Variants in LRBA observed in about 807,000 individuals in gnomAD.
The protein encoded by LRBA is lipopolysaccharide-responsive and beige-like anchor protein.
Under a neutral mutation model 330.0 loss-of-function variants are expected in LRBA, and 176 were observed. The ratio of observed to expected loss-of-function variants is 0.53; its 90% CI spans 0.47 to 0.60. The LOEUF is 0.60. Ranked by LOEUF, LRBA falls within the 20% of genes least tolerant of loss-of-function variation. LRBA has a pLI of 0.00. For missense variants in LRBA, 3,259 were observed against 3,444.8 expected, an observed-to-expected ratio of 0.95 and a Z score of 1.35; for synonymous variants, 1,230 against 1,193.0, an observed-to-expected ratio of 1.03 and a Z score of -0.64.
At chr4:150,543,651 A>G (rs1043820407) in intron 40 of LRBA, among the ~76,000 whole-genome samples, 3 of 152,162 alleles carry the variant, frequency 2.0e-5, no homozygotes, top group Admixed American at 6.5e-5. Context: ...AGAAAATTAG[A>G]TTTACATATA....
chr4:150,562,569 G>A (rs927130606), intron 40 of LRBA, among the ~76,000 whole-genome samples: 2 of 152,138 alleles, frequency 1.3e-5, no homozygotes, highest in Non-Finnish European at 2.9e-5. Context: ...CTCCTGGTAT[G>A]CAAATTATAG....
intron 40 of LRBA, among the ~76,000 whole-genome samples, chr4:150,559,793 AT>A (rs1173129986): frequency 3.6e-5 from 3 of 84,078 alleles, no homozygotes; most frequent in African/African-American, 1.6e-4. Context: ...ATTATATATA[AT>A]TATAATATGT....
intron 37 of LRBA, among the ~76,000 whole-genome samples, chr4:150,647,440 C>A (rs773647061): frequency 1.5e-5 from 2 of 131,668 alleles, no homozygotes; most frequent in Admixed American, 1.9e-4. Context: ...CTCACTGTAA[C>A]CTCAACCTCC....
rs1721872725 is a variant in LRBA at position 150,511,948 on chromosome 4, A to C, written c.6331-20913T>G. Among the ~76,000 whole-genome samples the C allele has an allele frequency of 2.6e-5, 4 of 152,352 alleles. 1 individual carries two copies. In the South Asian group the frequency reaches 8.3e-4, roughly 32 times the overall value. On this transcript the variant is annotated intron_variant, in intron 40 of 56. Coordinates refer to ENST00000651943, the MANE Select transcript of LRBA (RefSeq NM_001364905.1). The stretch of plus-strand genomic sequence containing the variant: ...ACTTCTCAAACAGATGTGCTACCAC[A>C]GGCCTCTTACAAATTGTAAATGTCT...
chr4:150,590,105 A>G (rs1772618369), intron 39 of LRBA, among the ~76,000 whole-genome samples: 1 of 152,198 alleles, frequency 6.6e-6, no homozygotes, highest in Non-Finnish European at 1.5e-5. Flanking sequence ...ACAGAGCCAC[A>G]GGTATTAAAG....
chr4:150,569,060 G>A lies in LRBA; in HGVS notation c.6330+18988C>T, dbSNP rs78244655. ...ACAATACCTACCTCAAGGGCTTGCT[G>A]TAAAAATGTAAGAGTTAATACAGGT... On this transcript the variant is annotated intron_variant, in intron 40 of 56. Transcript: ENST00000651943. 1.1e-3 allele frequency among the ~76,000 whole-genome samples: 174 copies of A among 152,244 alleles called. 3 individuals are homozygous for A. Among genetic ancestry groups the A allele is most frequent in the African/African-American group, 4.1e-3 (170 of 41,558 alleles).
chr4:150,451,571 T>G (rs1397749971), intron 44 of LRBA, among the ~76,000 whole-genome samples: 2 of 152,092 alleles, frequency 1.3e-5, no homozygotes, highest in East Asian at 3.9e-4. Flanking sequence ...TGAGAAAAAT[T>G]TGTAGTGCTA....
chr4:150,541,619 G>A (rs888250940), intron 40 of LRBA, among the ~76,000 whole-genome samples: 1 of 152,142 alleles, frequency 6.6e-6, no homozygotes, highest in Non-Finnish European at 1.5e-5. Context: ...TTTTTATAGT[G>A]TCTAGTACCG....
intron 36 of LRBA, among the ~76,000 whole-genome samples, chr4:150,698,679 C>T (rs573944416): frequency 5.9e-5 from 9 of 152,190 alleles, no homozygotes; most frequent in Non-Finnish European, 1.0e-4. Flanking sequence ...TTTAAGTGGT[C>T]TTCCTTTATC....
chr4:150,570,295 C>T (rs1769677602), intron 40 of LRBA, among the ~76,000 whole-genome samples: 1 of 152,012 alleles, frequency 6.6e-6, no homozygotes, highest in African/African-American at 2.4e-5. Context: ...TTTTGCATCT[C>T]ACTATTTTCG....
intron 44 of LRBA, among the ~76,000 whole-genome samples, chr4:150,443,241 C>T (rs981485766): frequency 3.3e-5 from 5 of 152,154 alleles, no homozygotes; most frequent in Non-Finnish European, 5.9e-5. Flanking sequence ...TACTTTTACA[C>T]TGTTTGTGGG....
chr4:150,557,538 T>C (rs964228025), intron 40 of LRBA, among the ~76,000 whole-genome samples: 1 of 151,954 alleles, frequency 6.6e-6, no homozygotes, highest in East Asian at 1.9e-4. Flanking sequence ...GACACCACAT[T>C]ATATTTAGTC....
In LRBA at chr4:151,014,418, T is replaced by G; in HGVS notation, c.216+9A>C. The stretch of plus-strand genomic sequence containing the variant: ...AGAGTATATGCTTATAAAATATTCA[T>G]GGACTTACCAGGTTAAAGACAGTTT... On this transcript the variant is annotated intron_variant, in intron 2 of 56. Transcript: ENST00000651943. 6.2e-7 allele frequency: 1 copy of G among 1,606,526 alleles called. No individual in the cohort carries two copies. Among genetic ancestry groups the G allele is most frequent in the East Asian group, 2.2e-5 (1 of 44,846 alleles).
At chr4:150,552,300 C>T (rs908426659) in intron 40 of LRBA, among the ~76,000 whole-genome samples, 3 of 152,130 alleles carry the variant, frequency 2.0e-5, no homozygotes, top group Admixed American at 2.0e-4. Context: ...CTTTTCATAC[C>T]AATAACCATA....
chr4:150,565,313 G>A (rs959761062), intron 40 of LRBA, among the ~76,000 whole-genome samples: 4 of 152,034 alleles, frequency 2.6e-5, no homozygotes, highest in African/African-American at 9.7e-5. Flanking sequence ...TGGACACAGG[G>A]AAGGGAACAA....
chr4:150,960,245 A>G lies in LRBA; in HGVS notation c.217-31180T>C, dbSNP rs975308327. On this transcript the variant is annotated intron_variant, in intron 2 of 56. Transcript: ENST00000651943. ...ACATTATAAAAAGAGACAACCTGAC[A>G]TAAGAGCCTCCGGATGACAGAACAC... Among the ~76,000 whole-genome samples, 8 of 149,316 alleles carry G rather than the reference A, an allele frequency of 5.4e-5. No individual in the cohort carries two copies. In the South Asian group the frequency reaches 1.7e-3, roughly 31 times the overall value.
intron 36 of LRBA, among the ~76,000 whole-genome samples, chr4:150,718,420 A>G (rs1728519538): frequency 2.0e-5 from 3 of 152,130 alleles, no homozygotes; most frequent in African/African-American, 7.2e-5. Context: ...TACAGCTTGA[A>G]TTCAAGGCTG....
At chr4:150,976,305 C>T (rs1452564757) in intron 2 of LRBA, among the ~76,000 whole-genome samples, 2 of 152,050 alleles carry the variant, frequency 1.3e-5, no homozygotes, top group East Asian at 1.9e-4. Flanking sequence ...TAAACTCACA[C>T]GTCATACAAG....
intron 44 of LRBA, among the ~76,000 whole-genome samples, chr4:150,442,026 TACAA>T (rs1751908710): frequency 6.6e-6 from 1 of 152,154 alleles, no homozygotes. Context: ...TATGAATGAT[TACAA>T]TTAATATCAA....
Sources: allele counts gnomAD v4.1 joint callset (sites outside exome capture counted in the v4.1 genomes callset), GRCh38; gene constraint gnomAD v4.1.1; transcripts MANE v1.5; gene names NCBI Gene and HGNC (gene_info 2026-07-23, HGNC 2026-07-21).